LRRC4C: variants seen among roughly 807,000 people sequenced by gnomAD.
LRRC4C encodes the protein leucine-rich repeat-containing protein 4C.
In LRRC4C, 5 loss-of-function variants were observed where a neutral mutation model predicts 33.6. The ratio of observed to expected loss-of-function variants is 0.15; its 90% CI spans 0.08 to 0.31. LRRC4C has a LOEUF of 0.31. Ranked by LOEUF, LRRC4C falls within the 10% of genes least tolerant of loss-of-function variation. The pLI, the probability that LRRC4C is intolerant of heterozygous loss-of-function variation, is 1.00. For synonymous variants in LRRC4C, 329 were observed against 302.0 expected (o/e 1.09, Z -0.93); for missense variants, 560 against 796.7 (o/e 0.70, Z 3.58).
chr11:40,217,832 G>A (rs1479461816), intron 5 of LRRC4C, among the ~76,000 whole-genome samples: 1 of 151,994 alleles, frequency 6.6e-6, no homozygotes, highest in Non-Finnish European at 1.5e-5. Flanking sequence ...TAAATACAAA[G>A]TTTGAAAAGT....
chr11:41,308,227 A>C (rs958042427), intron 1 of LRRC4C, among the ~76,000 whole-genome samples: 1 of 152,214 alleles, frequency 6.6e-6, no homozygotes, highest in Admixed American at 6.5e-5. Context: ...CCAAAGGTTA[A>C]AACTCTGAGG....
rs949870659 is a variant in LRRC4C at position 41,417,933 on chromosome 11, CAT to C, written c.-496+41496_-496+41497del. On this transcript the variant is annotated intron_variant, in intron 1 of 6. Transcript: ENST00000528697. ...TATGGTGTATGTGTGTGTGTGTGTG[CAT>C]ATATATATACGTATATATACAAATA... Among the ~76,000 whole-genome samples, 9 of 145,804 alleles carry C rather than the reference CAT, an allele frequency of 6.2e-5. No homozygotes were observed. In the South Asian group the frequency reaches 1.7e-3, roughly 28 times the overall value.
intron 2 of LRRC4C, among the ~76,000 whole-genome samples, chr11:40,798,744 A>G (rs1950929168): frequency 6.6e-6 from 1 of 151,594 alleles, no homozygotes; most frequent in Non-Finnish European, 1.5e-5. Context: ...ACTGGGTTCA[A>G]GTGATTCTCC....
chr11:41,172,725 T>C (rs1945030028), intron 1 of LRRC4C, among the ~76,000 whole-genome samples: 1 of 152,194 alleles, frequency 6.6e-6, no homozygotes, highest in Admixed American at 6.6e-5. Flanking sequence ...TTTACCAATT[T>C]ATTCCTTGCA....
At chr11:40,807,571 C>T (rs74916802) in intron 2 of LRRC4C, among the ~76,000 whole-genome samples, 357 of 152,312 alleles carry the variant, frequency 2.3e-3, no homozygotes, top group African/African-American at 8.1e-3. Context: ...TGTGCCATTC[C>T]TTTCTGTGAC....
chr11:40,192,794 TGA>T (rs936272934), intron 5 of LRRC4C, among the ~76,000 whole-genome samples: 1 of 152,012 alleles, frequency 6.6e-6, no homozygotes, highest in African/African-American at 2.4e-5. Flanking sequence ...TGCTGAGGCT[TGA>T]GTAGTCTGTT....
chr11:40,886,049 G>A, intron 2 of LRRC4C, among the ~76,000 whole-genome samples: 1 of 152,038 alleles, frequency 6.6e-6, no homozygotes, highest in East Asian at 1.9e-4. Flanking sequence ...GAGAGAAATT[G>A]TCAGTGGCAC....
chr11:40,812,006 C>T (rs1951512972), intron 2 of LRRC4C, among the ~76,000 whole-genome samples: 1 of 152,152 alleles, frequency 6.6e-6, no homozygotes, highest in South Asian at 2.1e-4. Flanking sequence ...TAATTCCAAC[C>T]TTCATGCACC....
intron 1 of LRRC4C, among the ~76,000 whole-genome samples, chr11:41,257,358 C>T (rs142209885): frequency 3.8e-4 from 58 of 151,930 alleles, no homozygotes; most frequent in African/African-American, 1.4e-3. Flanking sequence ...GCAGCCCCAC[C>T]ATCAGGCTGA....
At chr11:40,860,321 C>T (rs1954022543) in intron 2 of LRRC4C, among the ~76,000 whole-genome samples, 1 of 151,906 alleles carries the variant, frequency 6.6e-6, no homozygotes, top group Non-Finnish European at 1.5e-5. Flanking sequence ...TAAATTACCA[C>T]CAGCCGAGTA....
At chr11:40,899,965 C>T (rs746567155) in intron 2 of LRRC4C, among the ~76,000 whole-genome samples, 2 of 152,182 alleles carry the variant, frequency 1.3e-5, no homozygotes, top group Middle Eastern at 6.8e-3. Flanking sequence ...TGTAAATATC[C>T]TGTACCCCAA....
chr11:40,723,979 G>A (rs1415246508), intron 2 of LRRC4C, among the ~76,000 whole-genome samples: 3 of 151,602 alleles, frequency 2.0e-5, no homozygotes, highest in African/African-American at 7.3e-5. Context: ...AGAAAAAACA[G>A]AAGTTAAACC....
At chr11:41,236,529 A>C (rs1948029348) in intron 1 of LRRC4C, among the ~76,000 whole-genome samples, 1 of 152,090 alleles carries the variant, frequency 6.6e-6, no homozygotes, top group African/African-American at 2.4e-5. Context: ...ATAAAAAAGA[A>C]GTCCAAATCT....
At chr11:40,805,598 G>A (rs894956185) in intron 2 of LRRC4C, among the ~76,000 whole-genome samples, 3 of 152,028 alleles carry the variant, frequency 2.0e-5, no homozygotes, top group African/African-American at 4.8e-5. Flanking sequence ...AGAGTGTGAC[G>A]ATAAGTAAGA....
chr11:41,100,480 T>C (rs1941102976), intron 1 of LRRC4C, among the ~76,000 whole-genome samples: 1 of 151,918 alleles, frequency 6.6e-6, no homozygotes, highest in Non-Finnish European at 1.5e-5. Context: ...GACAGAAGAA[T>C]TGCTTGAACT....
chr11:40,844,449 A>G (rs192835854), intron 2 of LRRC4C, among the ~76,000 whole-genome samples: 10 of 152,246 alleles, frequency 6.6e-5, no homozygotes, highest in African/African-American at 2.2e-4. Context: ...AGAGACAGAA[A>G]ATGAAATGGG....
At chr11:40,856,329 G>A (rs889528394) in intron 2 of LRRC4C, among the ~76,000 whole-genome samples, 1 of 152,124 alleles carries the variant, frequency 6.6e-6, no homozygotes, top group Non-Finnish European at 1.5e-5. Context: ...CAGATTTGTG[G>A]TCCATTTCAG....
At chr11:40,385,380 A>G (rs1949064348) in intron 3 of LRRC4C, among the ~76,000 whole-genome samples, 1 of 152,206 alleles carries the variant, frequency 6.6e-6, no homozygotes, top group South Asian at 2.1e-4. Context: ...TTTGAGTTCT[A>G]TCTATCTAAC....
At chr11:40,541,554 G>C (rs1956707980) in intron 3 of LRRC4C, among the ~76,000 whole-genome samples, 1 of 152,130 alleles carries the variant, frequency 6.6e-6, no homozygotes, top group African/African-American at 2.4e-5. Flanking sequence ...TTGGGACTGG[G>C]TGGGAACAGT....
Sources: allele counts gnomAD v4.1 joint callset (sites outside exome capture counted in the v4.1 genomes callset), GRCh38; gene constraint gnomAD v4.1.1; transcripts MANE v1.5; gene names NCBI Gene and HGNC (gene_info 2026-07-23, HGNC 2026-07-21).